Variants in PTPRK observed in about 807,000 individuals in gnomAD.
PTPRK encodes the protein receptor-type tyrosine-protein phosphatase kappa.
Under a neutral mutation model 178.0 loss-of-function variants are expected in PTPRK, and 75 were observed. The ratio of observed to expected loss-of-function variants is 0.42; its 90% CI spans 0.35 to 0.51. PTPRK has a LOEUF of 0.51. Ranked by LOEUF, PTPRK falls within the 20% of genes least tolerant of loss-of-function variation. The pLI, the probability that PTPRK is intolerant of heterozygous loss-of-function variation, is 0.02. For missense variants in PTPRK, 1,441 were observed against 1,797.8 expected (o/e 0.80, Z 3.59); for synonymous variants, 637 against 620.6 (o/e 1.03, Z -0.39).
chr6:128,058,307 T>A (rs1323185238), intron 13 of PTPRK, among the ~76,000 whole-genome samples: 1 of 152,210 alleles, frequency 6.6e-6, no homozygotes, highest in African/African-American at 2.4e-5. Flanking sequence ...TTATTTTACA[T>A]CCTTCTTAAG....
intron 7 of PTPRK, among the ~76,000 whole-genome samples, chr6:128,093,596 C>CAAAAAAA (rs1172145765): frequency 6.4e-4 from 4 of 6,272 alleles, no homozygotes; most frequent in Admixed American, 2.8e-3. Flanking sequence ...GACTCTCTCT[C>CAAAAAAA]AAAAAAAAAA....
Position 128,421,656 on chromosome 6 carries a change from C to T in PTPRK, c.101-23968G>A, listed in dbSNP as rs1300311140. ...TACACAAGAGAACACCTCTCCACTT[C>T]CCACCTTACACAATATACCCAAAAT... On this transcript the variant is annotated intron_variant, in intron 1 of 29. Transcript: ENST00000368226. Among the ~76,000 whole-genome samples, 3 of 152,170 alleles carry T rather than the reference C, an allele frequency of 2.0e-5. No individual in the cohort carries two copies. The East Asian group carries it at 5.8e-4, about 29-fold the overall frequency.
Position 128,067,805 on chromosome 6 carries a change from GA to G in PTPRK, c.1884-14del, listed in dbSNP as rs1165737434. 5 of 1,553,330 alleles carry G rather than the reference GA, an allele frequency of 3.2e-6. No individual in the cohort carries two copies. Among genetic ancestry groups the G allele is most frequent in the South Asian group, 2.5e-5 (2 of 81,480 alleles). Reference sequence around the variant, plus strand: ...AATCTGATAAGCACTTTGGGGAAAAGAAAAAAAGAACACACATATATATACA... The same window carrying G: ...AATCTGATAAGCACTTTGGGGAAAAGAAAAAAGAACACACATATATATACA... On this transcript the variant is annotated splice_polypyrimidine_tract_variant and intron_variant, in intron 11 of 29. Transcript: ENST00000368226.
chr6:128,018,435 A>G (rs1779855968), intron 13 of PTPRK, among the ~76,000 whole-genome samples: 1 of 152,116 alleles, frequency 6.6e-6, no homozygotes. Context: ...ATCAGTTGGT[A>G]AAGAGCTTCA....
chr6:128,280,854 T>TA, intron 3 of PTPRK, among the ~76,000 whole-genome samples: 1 of 152,332 alleles, frequency 6.6e-6, no homozygotes, highest in Non-Finnish European at 1.5e-5. Flanking sequence ...TAATTGTAGT[T>TA]ATGTTAGATG....
chr6:128,196,385 A>G (rs535484080), intron 6 of PTPRK, among the ~76,000 whole-genome samples: 13 of 152,262 alleles, frequency 8.5e-5, no homozygotes, highest in Middle Eastern at 3.4e-3. Flanking sequence ...CCCATCTGAT[A>G]AAATAACAAG....
chr6:128,168,474 A>C (rs1043558930), intron 7 of PTPRK, among the ~76,000 whole-genome samples: 8 of 152,070 alleles, frequency 5.3e-5, no homozygotes, highest in African/African-American at 1.7e-4. Context: ...CCCTAGTGAC[A>C]CACTGGTACT....
In PTPRK at chr6:127,989,390, C is replaced by T. The variant is rs544206287; in HGVS notation, c.3096+1379G>A. On this transcript the variant is annotated intron_variant, in intron 21 of 29. Coordinates refer to ENST00000368226, the MANE Select transcript of PTPRK (RefSeq NM_002844.4). Reference sequence around the variant, plus strand: ...GTTGTTCTGTATAATGCTATTTCAACTTAATATTTTGCCTAATTTTTTCAT... The same window carrying T: ...GTTGTTCTGTATAATGCTATTTCAATTTAATATTTTGCCTAATTTTTTCAT... Among the ~76,000 whole-genome samples the T allele has an allele frequency of 1.4e-4, 22 of 151,916 alleles. No individual in the cohort carries two copies. In the South Asian group the frequency reaches 3.3e-3, roughly 23 times the overall value.
chr6:127,999,963 G>C (rs925886012), intron 15 of PTPRK: 17 of 917,260 alleles, frequency 1.9e-5, no homozygotes, highest in Non-Finnish European at 2.2e-5. Context: ...TCATAAGAAG[G>C]AAGAAAAGAA....
At chr6:128,313,791 G>A (rs931608376) in intron 3 of PTPRK, among the ~76,000 whole-genome samples, 5 of 152,082 alleles carry the variant, frequency 3.3e-5, no homozygotes, top group Non-Finnish European at 5.9e-5. Flanking sequence ...GGAAATTACC[G>A]TTATCAAGAC....
chr6:128,430,260 T>C (rs1298092734), intron 1 of PTPRK, among the ~76,000 whole-genome samples: 1 of 152,238 alleles, frequency 6.6e-6, no homozygotes, highest in Non-Finnish European at 1.5e-5. Context: ...AGTTTAATTC[T>C]GTACTTTTAA....
intron 1 of PTPRK, among the ~76,000 whole-genome samples, chr6:128,428,634 A>G (rs1844461451): frequency 6.6e-6 from 1 of 152,204 alleles, no homozygotes; most frequent in African/African-American, 2.4e-5. Context: ...GCAAGTACAA[A>G]TTACATCAAC....
intron 2 of PTPRK, among the ~76,000 whole-genome samples, chr6:128,349,511 C>T (rs1832842828): frequency 1.3e-5 from 2 of 151,866 alleles, no homozygotes; most frequent in Admixed American, 6.6e-5. Context: ...GTGAGAGGTG[C>T]CCACTGCAAT....
chr6:128,376,525 G>A (rs1442570297), intron 2 of PTPRK, among the ~76,000 whole-genome samples: 1 of 152,118 alleles, frequency 6.6e-6, no homozygotes, highest in African/African-American at 2.4e-5. Flanking sequence ...GATGGGAGGG[G>A]CTGTTGTGAA....
intron 7 of PTPRK, among the ~76,000 whole-genome samples, chr6:128,118,941 T>C (rs1481173802): frequency 6.6e-6 from 1 of 152,214 alleles, no homozygotes; most frequent in Non-Finnish European, 1.5e-5. Flanking sequence ...CATCTGCCAG[T>C]TGACTTCATT....
At chr6:128,025,373 T>C (rs781230861) in intron 13 of PTPRK, among the ~76,000 whole-genome samples, 10 of 152,150 alleles carry the variant, frequency 6.6e-5, no homozygotes, top group Non-Finnish European at 7.4e-5. Context: ...TTTTGCAAAA[T>C]TGTCCTACCT....
intron 3 of PTPRK, among the ~76,000 whole-genome samples, chr6:128,273,641 C>T (rs1427361099): frequency 1.3e-5 from 2 of 152,090 alleles, no homozygotes; most frequent in African/African-American, 2.4e-5. Context: ...GAACTCCAGA[C>T]GAAAACGTGT....
At chr6:127,972,108 C>T (rs1773988247) in intron 29 of PTPRK, among the ~76,000 whole-genome samples, 1 of 152,152 alleles carries the variant, frequency 6.6e-6, no homozygotes, top group Non-Finnish European at 1.5e-5. Flanking sequence ...ACAGTACAAA[C>T]CTAAGTCTTC....
intron 7 of PTPRK, among the ~76,000 whole-genome samples, chr6:128,175,265 T>A (rs533985822): frequency 7.4e-4 from 113 of 152,022 alleles, no homozygotes; most frequent in Non-Finnish European, 1.2e-3. Flanking sequence ...TGATTAATTA[T>A]AAAGCACTTA....
Sources: allele counts gnomAD v4.1 joint callset (sites outside exome capture counted in the v4.1 genomes callset), GRCh38; gene constraint gnomAD v4.1.1; transcripts MANE v1.5; gene names NCBI Gene and HGNC (gene_info 2026-07-23, HGNC 2026-07-21).